FARS2: variants seen among roughly 807,000 people sequenced by gnomAD.
FARS2 encodes phenylalanyl-tRNA synthetase 2, mitochondrial, also known as phenylalanine--tRNA ligase, mitochondrial.
FARS2 carries 40 observed loss-of-function variants against 46.4 expected under a neutral mutation model. That is an observed-to-expected ratio of 0.86 (90% CI 0.67 to 1.12). The LOEUF is 1.12. FARS2 is among the 50% of genes most tolerant of loss of function. The probability of loss-of-function intolerance (pLI) is 0.00; values close to 1 mark genes in which losing one functional copy is unlikely to be tolerated. For missense variants in FARS2, 513 were observed against 567.9 expected, an observed-to-expected ratio of 0.90 and a Z score of 0.98; for synonymous variants, 234 against 214.9, an observed-to-expected ratio of 1.09 and a Z score of -0.78.
At chr6:5,477,353 C>G (rs541727260) in intron 4 of FARS2, among the ~76,000 whole-genome samples, 1 of 152,326 alleles carries the variant, frequency 6.6e-6, no homozygotes, top group Admixed American at 6.5e-5. Flanking sequence ...ATTACCCTAG[C>G]TTATTGTCTT....
intron 1 of FARS2, among the ~76,000 whole-genome samples, chr6:5,349,225 C>T (rs1422383295): frequency 1.3e-5 from 2 of 152,144 alleles, no homozygotes; most frequent in Non-Finnish European, 2.9e-5. Context: ...AACAGAATAT[C>T]ATTTGTAATC....
In FARS2 at chr6:5,514,443, G is replaced by C. The variant is rs17140717; in HGVS notation, c.905-30737G>C. On this transcript the variant is annotated intron_variant, in intron 4 of 6. Coordinates refer to ENST00000274680, the MANE Select transcript of FARS2 (RefSeq NM_006567.5). ...TAGAGAGGCTTGGCTGCATTTAAAA[G>C]TCTAAACATTCATGAAAATCTGTTC... is the stretch of plus-strand genomic sequence containing the variant. 6.8e-3 allele frequency among the ~76,000 whole-genome samples: 1,031 copies of C among 152,254 alleles called. 10 individuals are homozygous for C. The highest frequency in any genetic ancestry group is 0.024 in the African/African-American group (981 of 41,548).
Position 5,721,641 on chromosome 6 carries a change from A to T in FARS2, c.1218-49650A>T, listed in dbSNP as rs73364213. Among the ~76,000 whole-genome samples the T allele has an allele frequency of 4.9e-3, 742 of 152,344 alleles. 6 individuals are homozygous for T. The highest frequency in any genetic ancestry group is 0.017 in the African/African-American group (694 of 41,580). On this transcript the variant is annotated intron_variant, in intron 6 of 6. Transcript: ENST00000274680. ...TATCTAAGATCAAAAAATCACATTC[A>T]TTAGTATCATCACCAATCCTATCAG...
intron 4 of FARS2, among the ~76,000 whole-genome samples, chr6:5,463,701 T>C (rs1207437827): frequency 1.1e-5 from 1 of 87,544 alleles, no homozygotes; most frequent in Non-Finnish European, 2.2e-5. Flanking sequence ...ATTTGTTTTC[T>C]TAAAAAAAAA....
At chr6:5,683,587 T>C (rs1779139824) in intron 6 of FARS2, among the ~76,000 whole-genome samples, 1 of 152,038 alleles carries the variant, frequency 6.6e-6, no homozygotes, top group South Asian at 2.1e-4. Flanking sequence ...AGCAGTGTTT[T>C]TTTGTTTTTG....
intron 4 of FARS2, among the ~76,000 whole-genome samples, chr6:5,432,348 AT>A (rs1562036538): frequency 2.0e-3 from 67 of 33,048 alleles, no homozygotes; most frequent in Non-Finnish European, 3.1e-3. Flanking sequence ...ATATATATAT[AT>A]ATTATATATA....
intron 3 of FARS2, among the ~76,000 whole-genome samples, chr6:5,405,477 G>GTTTTTT (rs1554181324): frequency 1.1e-5 from 1 of 93,170 alleles, no homozygotes; most frequent in Non-Finnish European, 2.2e-5. Flanking sequence ...GTGGAGCAAG[G>GTTTTTT]TTCTTTTTTT....
upstream of FARS2, among the ~76,000 whole-genome samples, chr6:5,258,549 T>G (rs1313386525): frequency 6.6e-6 from 1 of 152,156 alleles, no homozygotes; most frequent in Admixed American, 6.5e-5. Flanking sequence ...CTGCAGAGAT[T>G]AGAGAGGAGG....
chr6:5,296,200 G>A (rs1767859502), intron 1 of FARS2, among the ~76,000 whole-genome samples: 1 of 123,562 alleles, frequency 8.1e-6, no homozygotes, highest in African/African-American at 3.1e-5. Context: ...GGAGTGCAGT[G>A]GTGGGATCTC....
chr6:5,685,235 T>G (rs1384283262), intron 6 of FARS2, among the ~76,000 whole-genome samples: 1 of 152,210 alleles, frequency 6.6e-6, no homozygotes, highest in East Asian at 1.9e-4. Context: ...TTTTTTCCCT[T>G]GTACGTATAG....
At chr6:5,703,672 A>C (rs1758572173) in intron 6 of FARS2, among the ~76,000 whole-genome samples, 1 of 152,036 alleles carries the variant, frequency 6.6e-6, no homozygotes, top group African/African-American at 2.4e-5. Context: ...ACGCCCTCTC[A>C]ACCTACCATC....
intron 5 of FARS2, among the ~76,000 whole-genome samples, chr6:5,612,593 A>C (rs1016701751): frequency 3.3e-5 from 5 of 151,728 alleles, no homozygotes; most frequent in Non-Finnish European, 5.9e-5. Context: ...AGTAAGCTGG[A>C]AAAAATGGAA....
At chr6:5,266,000 G>C in intron 1 of FARS2, among the ~76,000 whole-genome samples, 1 of 152,266 alleles carries the variant, frequency 6.6e-6, no homozygotes, top group South Asian at 2.1e-4. Context: ...AAGGAATTAG[G>C]GGGCTTCATG....
chr6:5,771,381 C>T lies in FARS2; in HGVS notation c.1308C>T (p.Ala436=). Residue 436 remains alanine (A), a synonymous_variant, in exon 7 of 7, where the codon GCC becomes GCT. Coordinates refer to ENST00000274680, the MANE Select transcript of FARS2 (RefSeq NM_006567.5). ...SQREVRHIHQ[A]LQEAAVQLLG... ...GAGAGGTCAGGCACATCCACCAGGC[C>T]TTGCAGGAGGCTGCAGTCCAGCTGT... The T allele has an allele frequency of 1.9e-6, 3 of 1,614,270 alleles. No homozygotes were observed. Among genetic ancestry groups the T allele is most frequent in the Non-Finnish European group, 2.5e-6 (3 of 1,180,050 alleles).
At chr6:5,719,673 G>T (rs1368008508) in intron 6 of FARS2, among the ~76,000 whole-genome samples, 1 of 152,062 alleles carries the variant, frequency 6.6e-6, no homozygotes, top group African/African-American at 2.4e-5. Flanking sequence ...CCAGGGATGC[G>T]GCCAGCCAGG....
intron 1 of FARS2, among the ~76,000 whole-genome samples, chr6:5,285,795 C>T (rs1218554636): frequency 6.6e-6 from 1 of 152,226 alleles, no homozygotes. Context: ...AGCTAGCAGT[C>T]ACCCTCAGCA....
intron 5 of FARS2, among the ~76,000 whole-genome samples, chr6:5,569,020 G>A (rs971790911): frequency 6.6e-6 from 1 of 151,930 alleles, no homozygotes; most frequent in Admixed American, 6.6e-5. Flanking sequence ...TTTGAGACTT[G>A]CAGGGGCACT....
rs1249664369 is a variant in FARS2, at chr6:5,727,750, A to C, written c.1218-43541A>C. 6.6e-6 allele frequency among the ~76,000 whole-genome samples: 1 copy of C among 152,186 alleles called. No individual in the cohort carries two copies. ...CATATTTTCAGGTGCATTTTCTTCC[A>C]ATGCACTCTGACAGCTCAAAACACT... On this transcript the variant is annotated intron_variant, in intron 6 of 6. Coordinates refer to ENST00000274680, the MANE Select transcript of FARS2 (RefSeq NM_006567.5). This position sits in a 1 kb window ranked among gnomAD's most constrained non-coding sequence, Gnocchi z 4.1.
chr6:5,591,542 C>T (rs1773919594), intron 5 of FARS2, among the ~76,000 whole-genome samples: 1 of 152,240 alleles, frequency 6.6e-6, no homozygotes, highest in Non-Finnish European at 1.5e-5. Flanking sequence ...GCTGGCATGT[C>T]CACTCGGATG....
Sources: allele counts gnomAD v4.1 joint callset (sites outside exome capture counted in the v4.1 genomes callset), GRCh38; gene constraint gnomAD v4.1.1; non-coding constraint Gnocchi (gnomAD v3.1); transcripts MANE v1.5; gene names NCBI Gene and HGNC (gene_info 2026-07-23, HGNC 2026-07-21).